ZMYM1: variants seen among roughly 807,000 people sequenced by gnomAD.
ZMYM1 encodes the protein zinc finger MYM-type protein 1.
Under a neutral mutation model 60.0 loss-of-function variants are expected in ZMYM1, and 39 were observed. The ratio of observed to expected loss-of-function variants is 0.65; its 90% CI spans 0.50 to 0.85. The LOEUF (loss-of-function observed/expected upper bound fraction) is 0.85. ZMYM1 is among the 40% of genes least tolerant of loss of function. The pLI is 0.00. For missense variants in ZMYM1, 1,171 were observed against 1,309.5 expected (o/e 0.89, Z 1.63); for synonymous variants, 413 against 454.0 (o/e 0.91, Z 1.15).
At chr1:35,060,026 A>C (rs1383349631) in intron 1 of ZMYM1, 1 of 152,110 alleles carries the variant, frequency 6.6e-6, no homozygotes, top group Non-Finnish European at 1.5e-5. Flanking sequence ...GTCATTGAGT[A>C]TCATTGAGCC....
intron 8 of ZMYM1, 29 bp downstream of exon 8, chr1:35,111,941 T>C: frequency 1.9e-6 from 3 of 1,565,768 alleles, no homozygotes; most frequent in Non-Finnish European, 2.6e-6. Flanking sequence ...ATATTTGACA[T>C]AAATATTGTT....
At chr1:35,096,533 G>GGT (rs757735216) in intron 3 of ZMYM1, among the ~76,000 whole-genome samples, 1 of 140,620 alleles carries the variant, frequency 7.1e-6, no homozygotes, top group East Asian at 2.1e-4. Context: ...GAGGCGGGAG[G>GGT]TTTTTTTTTT....
At chr1:35,071,851 A>G (rs560205013) in intron 1 of ZMYM1, among the ~76,000 whole-genome samples, 19 of 152,332 alleles carry the variant, frequency 1.2e-4, no homozygotes, top group Admixed American at 9.8e-4. Flanking sequence ...AGAATTCAGC[A>G]GTGAAAACTG....
intron 1 of ZMYM1, among the ~76,000 whole-genome samples, chr1:35,063,446 C>G (rs1481331573): frequency 6.6e-6 from 1 of 152,014 alleles, no homozygotes; most frequent in Non-Finnish European, 1.5e-5. Flanking sequence ...TATCTGGGAC[C>G]ACAAGCACAA....
upstream of ZMYM1, chr1:35,079,150 A>C (rs1468960669): frequency 6.6e-6 from 1 of 152,254 alleles, no homozygotes; most frequent in Non-Finnish European, 1.5e-5. Flanking sequence ...AATCCAGGAA[A>C]TCTAACTGCC....
chr1:35,077,932 T>C (rs901961436), upstream of ZMYM1, among the ~76,000 whole-genome samples: 2 of 152,234 alleles, frequency 1.3e-5, no homozygotes, highest in African/African-American at 4.8e-5. Flanking sequence ...ACGGGGCATT[T>C]ACAATGACAT....
At chr1:35,078,677 T>C (rs933343009), upstream of ZMYM1, among the ~76,000 whole-genome samples, 2 of 150,920 alleles carry the variant, frequency 1.3e-5, no homozygotes, top group Non-Finnish European at 2.9e-5. Context: ...GACTCCCAAG[T>C]AGCTGGGATT....
chr1:35,092,186 A>T (rs1432923708), intron 1 of ZMYM1, among the ~76,000 whole-genome samples: 2 of 151,952 alleles, frequency 1.3e-5, no homozygotes, highest in Non-Finnish European at 2.9e-5. Flanking sequence ...TCGGCCTCCC[A>T]AAGTGCTGGG....
At chr1:35,100,961 G>T (rs1179174806) in intron 4 of ZMYM1, among the ~76,000 whole-genome samples, 3 of 151,872 alleles carry the variant, frequency 2.0e-5, no homozygotes, top group African/African-American at 7.3e-5. Flanking sequence ...ATGCCACCCT[G>T]CCTGTCCAGT....
intron 1 of ZMYM1, among the ~76,000 whole-genome samples, chr1:35,088,805 C>CT (rs375136566): frequency 0.74 from 88,565 of 119,574 alleles, 34,476 homozygotes; most frequent in South Asian, 0.88. Context: ...GGATGCTTTC[C>CT]TTTTTTTTTT....
upstream of ZMYM1, among the ~76,000 whole-genome samples, chr1:35,078,026 G>A (rs528399525): frequency 2.0e-5 from 3 of 152,204 alleles, no homozygotes; most frequent in East Asian, 5.8e-4. Flanking sequence ...GTGTAACTTG[G>A]GGCAAATTAC....
intron 4 of ZMYM1, among the ~76,000 whole-genome samples, chr1:35,103,905 C>T (rs928637848): frequency 1.3e-5 from 2 of 152,164 alleles, no homozygotes; most frequent in Non-Finnish European, 2.9e-5. Flanking sequence ...TTCACTAGCA[C>T]CACCTAATAA....
chr1:35,080,265 T>C (rs1642307294), intron 1 of ZMYM1, among the ~76,000 whole-genome samples: 2 of 152,050 alleles, frequency 1.3e-5, no homozygotes, highest in South Asian at 4.1e-4. Context: ...ACTTGTACTT[T>C]ATCTGCAACA....
chr1:35,075,657 C>T (rs1642154033), upstream of ZMYM1, among the ~76,000 whole-genome samples: 1 of 152,094 alleles, frequency 6.6e-6, no homozygotes, highest in African/African-American at 2.4e-5. Flanking sequence ...GAGCATTAAC[C>T]CTAGCAAAAA....
chr1:35,113,283 CA>C lies in ZMYM1; in HGVS notation c.1458del (p.Lys486AsnfsTer35). 6.2e-7 allele frequency: 1 copy of C among 1,612,258 alleles called. No individual in the cohort carries two copies. Among genetic ancestry groups the C allele is most frequent in the Non-Finnish European group, 8.5e-7 (1 of 1,178,644 alleles). ...AFCYSCQLFC[Q>X]KYFSCGRESF... ...CTGTTATTCATGCCAGTTGTTCTGC[CA>C]AAAATATTTTAGCTGTGGAAGAGAG... On this transcript the variant is annotated frameshift_variant, in exon 10 of 10. Coordinates refer to ENST00000359858, the MANE Select transcript of ZMYM1 (RefSeq NM_024772.5). LOFTEE classifies it high-confidence loss of function.
In ZMYM1 at chr1:35,086,128, T is replaced by C. The variant is rs75564794; in HGVS notation, c.-75+6686T>C. 2.5e-4 allele frequency among the ~76,000 whole-genome samples: 38 copies of C among 152,316 alleles called. 1 individual carries two copies. The East Asian group carries it at 7.3e-3, about 29-fold the overall frequency. On this transcript the variant is annotated intron_variant, in intron 1 of 9. Transcript: ENST00000359858. ...TGGTAAATTGTTATCACAGAAAATA[T>C]TGAAGATTTGAATTTCATTATATAA...
intron 1 of ZMYM1, among the ~76,000 whole-genome samples, chr1:35,084,252 T>C (rs1407236905): frequency 1.3e-5 from 2 of 151,972 alleles, no homozygotes; most frequent in Non-Finnish European, 2.9e-5. Context: ...TTCTCAAACA[T>C]AACCAAGTCC....
chr1:35,094,009 G>T lies in ZMYM1; in HGVS notation c.22G>T (p.Gly8Cys). MKEPLLG[G>C]ECDKAVASQL... The stretch of plus-strand genomic sequence containing the variant: ...TAAAATGAAAGAACCACTTTTAGGT[G>T]GTGAGTGTGACAAGGCAGTGGCATC... The change falls in exon 2 of 10, where the codon GGT becomes TGT. Residue 8 changes from glycine (G) to cysteine (C), a missense_variant. By Grantham distance (159) the Gly-to-Cys change is radical. Transcript: ENST00000359858. 1.2e-6 allele frequency: 2 copies of T among 1,609,048 alleles called. No individual in the cohort carries two copies. The highest frequency in any genetic ancestry group is 1.7e-6 in the Non-Finnish European group (2 of 1,177,280).
intron 1 of ZMYM1, among the ~76,000 whole-genome samples, chr1:35,064,295 A>C (rs1317851282): frequency 8.2e-6 from 1 of 121,634 alleles, no homozygotes; most frequent in Non-Finnish European, 1.5e-5. Context: ...CCTGTCTCAA[A>C]AAAAAAAAAA....
Sources: allele counts gnomAD v4.1 joint callset (sites outside exome capture counted in the v4.1 genomes callset), GRCh38; gene constraint gnomAD v4.1.1; transcripts MANE v1.5; gene names NCBI Gene and HGNC (gene_info 2026-07-23, HGNC 2026-07-21).